NHS: variants seen among roughly 807,000 people sequenced by gnomAD.
NHS encodes the protein actin remodeling regulator NHS.
NHS carries 5 observed loss-of-function variants against 72.5 expected under a neutral mutation model. That is an observed-to-expected ratio of 0.07 (90% CI 0.04 to 0.14). The LOEUF is 0.14. NHS is among the 10% of genes least tolerant of loss of function. NHS has a pLI of 1.00. For missense variants in NHS, 1,072 were observed against 1,355.7 expected (o/e 0.79, Z 3.29); for synonymous variants, 464 against 547.7 (o/e 0.85, Z 2.13).
chrX:17,410,962 G>A (rs1413117951), intron 1 of NHS, among the ~76,000 whole-genome samples: 2 of 111,442 alleles, frequency 1.8e-5, no homozygotes, highest in African/African-American at 3.3e-5. Flanking sequence ...GTGGAGATAC[G>A]TCCAACTATA....
chrX:17,539,045 C>A (rs935889647), intron 1 of NHS, among the ~76,000 whole-genome samples: 1 of 112,513 alleles, frequency 8.9e-6, no homozygotes, highest in Non-Finnish European at 1.9e-5. Flanking sequence ...ACATGCGTCT[C>A]TCATGACACC....
intron 1 of NHS, among the ~76,000 whole-genome samples, chrX:17,682,472 G>A (rs1473413442): frequency 1.8e-5 from 2 of 112,024 alleles, no homozygotes; most frequent in Admixed American, 9.4e-5. Flanking sequence ...GGCTGTGGTG[G>A]TAGAAGGGCA....
At position 17,620,750 on chromosome X, in the gene NHS, G is replaced by A. The variant is rs183844364; in HGVS notation, c.566-66992G>A. ...TAGTCAGCCATATAGAAATCTGGGAGGAGAATATTCTGGGCAAAGGAACAT... is the reference window on the plus strand; with the variant it reads ...TAGTCAGCCATATAGAAATCTGGGAAGAGAATATTCTGGGCAAAGGAACAT... On this transcript the variant is annotated intron_variant, in intron 1 of 8. Coordinates refer to ENST00000676302, the MANE Select transcript of NHS (RefSeq NM_001291867.2). Among the ~76,000 whole-genome samples, 8 of 111,763 alleles carry A rather than the reference G, an allele frequency of 7.2e-5. No individual in the cohort carries two copies. The East Asian group carries it at 2.0e-3, about 28-fold the overall frequency.
chrX:17,500,653 G>A (rs2065032820), intron 1 of NHS, among the ~76,000 whole-genome samples: 2 of 112,048 alleles, frequency 1.8e-5, no homozygotes, highest in African/African-American at 6.5e-5. Context: ...GACTTTATGA[G>A]CTTTAAGCGG....
chrX:17,391,042 A>G (rs1306388322), intron 1 of NHS, among the ~76,000 whole-genome samples: 2 of 111,792 alleles, frequency 1.8e-5, no homozygotes, highest in African/African-American at 6.5e-5. Context: ...GTGGGAAGGA[A>G]AATTAAAACA....
intron 1 of NHS, chrX:17,557,111 G>A (rs1365577104): frequency 1.6e-5 from 1 of 64,247 alleles, no homozygotes; most frequent in Non-Finnish European, 2.4e-5. Context: ...GGGGGATTTT[G>A]TGTGTGTGTG....
At chrX:17,589,115 AAAG>A (rs1030191010) in intron 1 of NHS, among the ~76,000 whole-genome samples, 2 of 112,410 alleles carry the variant, frequency 1.8e-5, no homozygotes, top group African/African-American at 6.5e-5. Context: ...ATAATTCACA[AAAG>A]AAGAAATACA....
At chrX:17,403,466 T>C (rs2064512491) in intron 1 of NHS, among the ~76,000 whole-genome samples, 1 of 111,758 alleles carries the variant, frequency 8.9e-6, no homozygotes, top group African/African-American at 3.3e-5. Flanking sequence ...CCACTGTTCT[T>C]GGTGGAACAT....
At chrX:17,490,680 A>G (rs1280057927) in intron 1 of NHS, among the ~76,000 whole-genome samples, 1 of 112,055 alleles carries the variant, frequency 8.9e-6, no homozygotes, top group Non-Finnish European at 1.9e-5. Context: ...TGGTACCTTG[A>G]TGGGGATAGC....
intron 1 of NHS, among the ~76,000 whole-genome samples, chrX:17,513,678 G>A (rs2065102109): frequency 8.9e-6 from 1 of 112,038 alleles, no homozygotes; most frequent in Admixed American, 9.4e-5. Context: ...GTTTCGACCA[G>A]TGGGTCTCAA....
chrX:17,570,583 G>A (rs1422566801), intron 1 of NHS, among the ~76,000 whole-genome samples: 1 of 111,469 alleles, frequency 9.0e-6, no homozygotes, highest in Admixed American at 9.5e-5. Context: ...AGATGATGGG[G>A]TTTTCTAAAT....
At chrX:17,570,300 G>A (rs1411928013) in intron 1 of NHS, among the ~76,000 whole-genome samples, 1 of 112,340 alleles carries the variant, frequency 8.9e-6, no homozygotes, top group East Asian at 2.8e-4. Flanking sequence ...TCCTATCCAT[G>A]AGCATGAAAT....
At chrX:17,723,770 T>TGTGTGTGTGTGTGTGCGC (rs541219770) in intron 5 of NHS, among the ~76,000 whole-genome samples, 20 of 91,301 alleles carry the variant, frequency 2.2e-4, no homozygotes, top group African/African-American at 4.5e-4. Context: ...TGTGTGTGTG[T>TGTGTGTGTGTGTGTGCGC]GCGCGCGCGT....
intron 1 of NHS, among the ~76,000 whole-genome samples, chrX:17,466,864 C>A (rs6527796): frequency 9.0e-6 from 1 of 111,202 alleles, no homozygotes; most frequent in East Asian, 2.8e-4. Context: ...ACTCTCTTTG[C>A]AGGTTCCTTT....
chrX:17,586,821 A>T (rs968157729), intron 1 of NHS: 4 of 111,874 alleles, frequency 3.6e-5, no homozygotes, highest in Non-Finnish European at 7.5e-5. Context: ...GCCCTGAAAA[A>T]ACTTTCTTGG....
intron 1 of NHS, among the ~76,000 whole-genome samples, chrX:17,659,265 G>A (rs1259834310): frequency 1.8e-5 from 2 of 111,985 alleles, no homozygotes; most frequent in Non-Finnish European, 3.8e-5. Flanking sequence ...GGCATGGAGG[G>A]GCCCTTTTTA....
chrX:17,511,227 A>T (rs1224500297), intron 1 of NHS, among the ~76,000 whole-genome samples: 2 of 111,385 alleles, frequency 1.8e-5, no homozygotes, highest in Non-Finnish European at 3.8e-5. Flanking sequence ...CTGCCATTGA[A>T]GATTAAGGGA....
At chrX:17,684,157 C>T (rs1016265415) in intron 1 of NHS, among the ~76,000 whole-genome samples, 8 of 111,691 alleles carry the variant, frequency 7.2e-5, no homozygotes, top group Non-Finnish European at 1.9e-5. Flanking sequence ...TGTGAGGCCT[C>T]CCCAACCATG....
At chrX:17,514,139 C>T (rs2065105885) in intron 1 of NHS, among the ~76,000 whole-genome samples, 1 of 111,871 alleles carries the variant, frequency 8.9e-6, no homozygotes, top group South Asian at 3.7e-4. Flanking sequence ...AGTTACCTCC[C>T]ACCAGGTCCC....
Sources: gnomAD v4.1 joint callset for allele counts (sites outside exome capture counted in the v4.1 genomes callset) on GRCh38, gnomAD v4.1.1 for gene constraint, MANE v1.5 for transcripts, NCBI Gene and HGNC (gene_info 2026-07-23, HGNC 2026-07-21) for gene names.